BLNK: variants seen among roughly 807,000 people sequenced by gnomAD.
The protein encoded by BLNK is B cell linker.
Under a neutral mutation model 73.5 loss-of-function variants are expected in BLNK, and 29 were observed. The observed-to-expected ratio is 0.39, with a 90% confidence interval of 0.29 to 0.54. BLNK has a LOEUF of 0.54. Among genes scored for constraint, BLNK ranks in the 20% least tolerant of loss-of-function variants. BLNK has a pLI of 0.61. For synonymous variants in BLNK, 176 were observed against 200.8 expected (o/e 0.88, Z 1.04); for missense variants, 460 against 562.8 (o/e 0.82, Z 1.85).
intron 1 of BLNK, among the ~76,000 whole-genome samples, chr10:96,249,370 G>A (rs1230672773): frequency 6.6e-6 from 1 of 152,270 alleles, no homozygotes; most frequent in East Asian, 1.9e-4. Context: ...GCAGTTTAGA[G>A]GGTAAGAGGA....
At chr10:96,199,592 G>A in intron 15 of BLNK, 1 of 451,160 alleles carries the variant, frequency 2.2e-6, no homozygotes, top group Non-Finnish European at 4.5e-6. Flanking sequence ...GAGAGGAGGG[G>A]ATAGCAGTTT....
intron 1 of BLNK, among the ~76,000 whole-genome samples, chr10:96,264,749 C>T (rs1219078068): frequency 6.6e-6 from 1 of 152,162 alleles, no homozygotes; most frequent in African/African-American, 2.4e-5. Flanking sequence ...GCTCCAGAAA[C>T]TCTCCCAGCT....
At chr10:96,247,161 C>A (rs1393117072) in intron 1 of BLNK, 112 bp from the exon 2 acceptor site, 3 of 703,116 alleles carry the variant, frequency 4.3e-6, no homozygotes, top group Non-Finnish European at 7.3e-6. Flanking sequence ...CCAAAACAAC[C>A]TCCAAATAGG....
chr10:96,256,253 A>G (rs1262857916), intron 1 of BLNK, among the ~76,000 whole-genome samples: 2 of 152,216 alleles, frequency 1.3e-5, no homozygotes, highest in African/African-American at 4.8e-5. Context: ...ATATGTTTCT[A>G]AAATCAATTT....
At chr10:96,213,361 C>T (rs113232115) in intron 8 of BLNK, among the ~76,000 whole-genome samples, 7 of 149,642 alleles carry the variant, frequency 4.7e-5, no homozygotes, top group Admixed American at 2.0e-4. Flanking sequence ...ACTTAGGAAG[C>T]GATTAGACTG....
At chr10:96,267,834 T>G (rs1344420912) in intron 1 of BLNK, among the ~76,000 whole-genome samples, 3 of 152,194 alleles carry the variant, frequency 2.0e-5, no homozygotes, top group Non-Finnish European at 1.5e-5. Context: ...GAAAATCAAT[T>G]ACACAACTAT....
chr10:96,223,879 C>T lies in BLNK; in HGVS notation c.472G>A (p.Ala158Thr), dbSNP rs148612299. 1.9e-6 allele frequency: 3 copies of T among 1,613,888 alleles called. No homozygotes were observed. Among genetic ancestry groups the T allele is most frequent in the Non-Finnish European group, 2.5e-6 (3 of 1,180,018 alleles). ...RLTSTLPALTALQKPQVPPKP... is the reference protein window; with the variant it reads ...RLTSTLPALTTLQKPQVPPKP... ...GGTGGGACTTGAGGTTTCTGCAAAG[C>T]AGTCAGGGCCGGCAGGGTGGAGGTG... Residue 158 changes from alanine to threonine, a missense_variant, in exon 6 of 17, where the codon GCT (alanine) becomes ACT (threonine). Ala to Thr is a moderately conservative substitution (Grantham distance 58). Transcript: ENST00000224337.
chr10:96,203,161 C>T (rs191784249), intron 13 of BLNK, among the ~76,000 whole-genome samples: 37 of 152,104 alleles, frequency 2.4e-4, no homozygotes, highest in Non-Finnish European at 4.3e-4. Flanking sequence ...GCCTGGCACA[C>T]GGCATATGGT....
intron 3 of BLNK, among the ~76,000 whole-genome samples, chr10:96,240,098 G>A (rs1842836440): frequency 6.6e-6 from 1 of 152,118 alleles, no homozygotes; most frequent in African/African-American, 2.4e-5. Flanking sequence ...CCCCACCATT[G>A]CACTCTTCCA....
Position 96,240,951 on chromosome 10 carries a change from T to C in BLNK, c.163+1784A>G, listed in dbSNP as rs587668988. 2.0e-5 allele frequency among the ~76,000 whole-genome samples: 3 copies of C among 152,368 alleles called. No homozygotes were observed. The East Asian group carries it at 5.8e-4, about 29-fold the overall frequency. ...ATAACTAGGAAGCTTCCTTGACTTATTGATTAGGTAGATATTAAAGCCCAG... is the reference window on the plus strand; with the variant it reads ...ATAACTAGGAAGCTTCCTTGACTTACTGATTAGGTAGATATTAAAGCCCAG... On this transcript the variant is annotated intron_variant, in intron 3 of 16. Coordinates refer to ENST00000224337, the MANE Select transcript of BLNK (RefSeq NM_013314.4).
At chr10:96,220,851 T>G (rs1463212348) in intron 6 of BLNK, among the ~76,000 whole-genome samples, 3 of 152,206 alleles carry the variant, frequency 2.0e-5, no homozygotes, top group Non-Finnish European at 4.4e-5. Context: ...ATAAGACACT[T>G]GTCATAATTG....
intron 8 of BLNK, 69 bp from the exon 9 acceptor site, chr10:96,209,976 G>A (rs2083910617): frequency 6.6e-7 from 1 of 1,515,806 alleles, no homozygotes; most frequent in East Asian, 2.3e-5. Context: ...ACTGAGGCTG[G>A]CCTCTCTGGC....
chr10:96,267,971 G>A lies in BLNK; in HGVS notation c.47+3381C>T, dbSNP rs569286253. Among the ~76,000 whole-genome samples, 5 of 152,214 alleles carry A rather than the reference G, an allele frequency of 3.3e-5. No individual in the cohort carries two copies. In the South Asian group the frequency reaches 1.0e-3, roughly 32 times the overall value. Reference sequence around the variant, plus strand: ...ACAATAGCCCTACAACATTGGTACTGTTATTATTATCTTTATCTTACAGGT... The same window carrying A: ...ACAATAGCCCTACAACATTGGTACTATTATTATTATCTTTATCTTACAGGT... On this transcript the variant is annotated intron_variant, in intron 1 of 16. Transcript: ENST00000224337.
chr10:96,248,875 T>G (rs192566857), intron 1 of BLNK, among the ~76,000 whole-genome samples: 1 of 152,384 alleles, frequency 6.6e-6, no homozygotes, highest in East Asian at 1.9e-4. Flanking sequence ...TACTTTATGA[T>G]GTTTTAAAAT....
Position 96,191,918 on chromosome 10 carries a change from G to A in BLNK, c.*55C>T. 1 of 1,608,922 alleles carries A rather than the reference G, an allele frequency of 6.2e-7. No individual in the cohort carries two copies. Among genetic ancestry groups the A allele is most frequent in the South Asian group, 1.1e-5 (1 of 90,472 alleles). On this transcript the variant is annotated 3_prime_UTR_variant, in exon 17 of 17. Coordinates refer to ENST00000224337, the MANE Select transcript of BLNK (RefSeq NM_013314.4). ...GAAGTTTTGGGACTTTTTCTCAAAA[G>A]GAGAAACTTTGGGAAAGTGTCTGAA...
intron 1 of BLNK, 25 bp downstream of exon 1, chr10:96,271,327 G>A (rs782593324): frequency 6.2e-7 from 1 of 1,611,750 alleles, no homozygotes; most frequent in Non-Finnish European, 8.5e-7. Flanking sequence ...AGATGAAGAA[G>A]GGTATTGGGT....
intron 3 of BLNK, chr10:96,239,037 C>T: frequency 2.5e-6 from 1 of 398,208 alleles, no homozygotes; most frequent in Non-Finnish European, 4.4e-6. Flanking sequence ...TGCTATCTTG[C>T]TGGGAATCAA....
chr10:96,271,318 G>A, intron 1 of BLNK, 34 bp downstream of exon 1: 1 of 1,609,046 alleles, frequency 6.2e-7, no homozygotes, highest in Non-Finnish European at 8.5e-7. Context: ...AAAAAAAGGA[G>A]ATGAAGAAGG....
Position 96,200,200 on chromosome 10 carries a change from C to T in BLNK, c.1012-42G>A. On this transcript the variant is annotated intron_variant, in intron 14 of 16. Coordinates refer to ENST00000224337, the MANE Select transcript of BLNK (RefSeq NM_013314.4). The surrounding 1 kb of genome is among the most constrained non-coding windows in gnomAD (Gnocchi z 4.3). ...ACTGGTCAGCATGGGATGGTCCCTACTTAACTCTAATTTCTGTGTACTAGA... is the reference window on the plus strand; with the variant it reads ...ACTGGTCAGCATGGGATGGTCCCTATTTAACTCTAATTTCTGTGTACTAGA... 1 of 1,551,938 alleles carries T rather than the reference C, an allele frequency of 6.4e-7. No homozygotes were observed. Among genetic ancestry groups the T allele is most frequent in the Non-Finnish European group, 8.9e-7 (1 of 1,124,424 alleles).
Sources: allele counts gnomAD v4.1 joint callset (sites outside exome capture counted in the v4.1 genomes callset), GRCh38; gene constraint gnomAD v4.1.1; non-coding constraint Gnocchi (gnomAD v3.1); transcripts MANE v1.5; gene names NCBI Gene and HGNC (gene_info 2026-07-23, HGNC 2026-07-21).